The following PCSK9 variants were observed in gnomAD, a reference collection of about 807,000 sequenced individuals.
The protein encoded by PCSK9 is proprotein convertase subtilisin/kexin type 9, also known as convertase subtilisin/kexin type 9 preproprotein.
PCSK9 carries 57 observed loss-of-function variants against 62.1 expected under a neutral mutation model. That is an observed-to-expected ratio of 0.92 (90% CI 0.74 to 1.14). The LOEUF (loss-of-function observed/expected upper bound fraction) is 1.14. Among genes scored for constraint, PCSK9 ranks in the 50% most tolerant of loss-of-function variants. The pLI is 0.00. For missense variants in PCSK9, 870 were observed against 959.8 expected, an observed-to-expected ratio of 0.91 and a Z score of 1.24; for synonymous variants, 387 against 409.4, an observed-to-expected ratio of 0.95 and a Z score of 0.66.
intron 5 of PCSK9, 109 bp from the exon 6 acceptor site, chr1:55,055,884 G>A: frequency 8.9e-7 from 1 of 1,120,166 alleles, no homozygotes; most frequent in South Asian, 1.8e-5. Context: ...CAAACATCAG[G>A]CCACAAAGTT....
chr1:55,055,878 C>T (rs1644710084), intron 5 of PCSK9, 115 bp from the exon 6 acceptor site: 1 of 1,061,632 alleles, frequency 9.4e-7, no homozygotes, highest in South Asian at 1.8e-5. Context: ...TTTGACCAAA[C>T]ATCAGGCCAC....
rs573984387 is a variant in PCSK9, at chr1:55,047,501, C to T, written c.523+855C>T. Among the ~76,000 whole-genome samples the T allele has an allele frequency of 5.8e-4, 89 of 152,156 alleles. 1 individual carries two copies. The highest frequency in any genetic ancestry group is 1.1e-3 in the Non-Finnish European group (72 of 68,032). The stretch of plus-strand genomic sequence containing the variant: ...AGCCACTTTCTTCTATGAGCTTTGT[C>T]GTTCTTGTCTGTAAAATGGGCACAT... On this transcript the variant is annotated intron_variant, in intron 3 of 11. Coordinates refer to ENST00000302118, the MANE Select transcript of PCSK9 (RefSeq NM_174936.4).
chr1:55,059,573 C>T lies in PCSK9; in HGVS notation c.1591C>T (p.Gln531Ter), dbSNP rs1644743243. ...YAIARCCLLP[Q>*]ANCSVHTAPP... ...CATTGCCAGGTGCTGCCTGCTACCC[C>T]AGGCCAACTGCAGCGTCCACACAGC... The change falls in exon 10 of 12, where the codon CAG (glutamine) becomes TAG (stop). Residue 531 changes from glutamine (Q) to a stop codon, truncating the protein, a stop_gained. Transcript: ENST00000302118. LOFTEE classifies it high-confidence loss of function. The T allele has an allele frequency of 1.3e-6, 2 of 1,555,234 alleles. No homozygotes were observed. The highest frequency in any genetic ancestry group is 1.7e-6 in the Non-Finnish European group (2 of 1,148,582).
intron 5 of PCSK9, among the ~76,000 whole-genome samples, chr1:55,053,988 G>A (rs1018489767): frequency 6.6e-6 from 1 of 152,198 alleles, no homozygotes; most frequent in African/African-American, 2.4e-5. Context: ...GGGCTCAACA[G>A]TCACTATTGC....
intron 2 of PCSK9, among the ~76,000 whole-genome samples, chr1:55,045,655 G>T (rs1407008878): frequency 6.6e-6 from 1 of 151,994 alleles, no homozygotes; most frequent in African/African-American, 2.4e-5. Context: ...GCTGCCATGC[G>T]CAGGGAGTCA....
chr1:55,051,018 C>G (rs1033194705), intron 3 of PCSK9: 1 of 391,366 alleles, frequency 2.6e-6, no homozygotes, highest in African/African-American at 2.1e-5. Context: ...AATGTGGCCA[C>G]AAGCCAGGGA....
intron 3 of PCSK9, 179 bp from the exon 4 acceptor site, chr1:55,052,099 C>CCA (rs778091649): frequency 3.4e-6 from 3 of 889,738 alleles, no homozygotes; most frequent in Non-Finnish European, 5.3e-6. Flanking sequence ...CTTTCCTTGT[C>CCA]TATGAAATAC....
chr1:55,058,627 C>A lies in PCSK9; in HGVS notation c.1483C>A (p.Arg495=). ...SCSSFSRSGK[R]RGERMEAQGG... ...CTCCAGTTTCTCCAGGAGTGGGAAG[C>A]GGCGGGGCGAGCGCATGGAGGTGAC... The change falls in exon 9 of 12, where the codon CGG becomes AGG. Residue 495 remains arginine (R), a synonymous_variant. Coordinates refer to ENST00000302118, the MANE Select transcript of PCSK9 (RefSeq NM_174936.4). 6.2e-7 allele frequency: 1 copy of A among 1,610,836 alleles called. No homozygotes were observed. The highest frequency in any genetic ancestry group is 8.5e-7 in the Non-Finnish European group (1 of 1,179,764).
intron 3 of PCSK9, chr1:55,051,348 C>T (rs947952362): frequency 5.4e-6 from 2 of 370,182 alleles, no homozygotes; most frequent in Admixed American, 3.6e-5. Context: ...TGCAGGGGTT[C>T]CAGGGCCAGG....
At chr1:55,052,062 A>T in intron 3 of PCSK9, 4 of 667,972 alleles carry the variant, frequency 6.0e-6, no homozygotes, top group Non-Finnish European at 1.0e-5. Flanking sequence ...ATGGCCTTGG[A>T]CAGTTACCTG....
chr1:55,054,631 T>C (rs1458723593), intron 5 of PCSK9, among the ~76,000 whole-genome samples: 1 of 152,176 alleles, frequency 6.6e-6, no homozygotes, highest in Non-Finnish European at 1.5e-5. Flanking sequence ...CAGGTCCCCT[T>C]GCACATCAGG....
At position 55,043,840 on chromosome 1, in the gene PCSK9, C is replaced by A; in HGVS notation, c.208-3C>A. The A allele has an allele frequency of 6.2e-7, 1 of 1,614,006 alleles. No individual in the cohort carries two copies. The highest frequency in any genetic ancestry group is 8.5e-7 in the Non-Finnish European group (1 of 1,180,024). On this transcript the variant is annotated splice_polypyrimidine_tract_variant and splice_region_variant and intron_variant, in intron 1 of 11. Transcript: ENST00000302118. The stretch of plus-strand genomic sequence containing the variant: ...CATCATGTTCCTCCTTGCATGGGGC[C>A]AGGATCCGTGGAGGTTGCCTGGCAC...
At chr1:55,058,418 C>G (rs28362266) in intron 8 of PCSK9, 81 bp from the exon 9 acceptor site, 7 of 1,596,804 alleles carry the variant, frequency 4.4e-6, no homozygotes, top group African/African-American at 2.7e-5. Context: ...AAGCCCTCCT[C>G]TCTCCTACCA....
rs778003838 is a variant in PCSK9, at chr1:55,044,037, G to A, written c.399+3G>A. The A allele has an allele frequency of 6.2e-7, 1 of 1,614,122 alleles. No homozygotes were observed. Among genetic ancestry groups the A allele is most frequent in the Non-Finnish European group, 8.5e-7 (1 of 1,180,018 alleles). On this transcript the variant is annotated splice_donor_region_variant and intron_variant, in intron 2 of 11. Coordinates refer to ENST00000302118, the MANE Select transcript of PCSK9 (RefSeq NM_174936.4). Reference sequence around the variant, plus strand: ...TGAGTGGCGACCTGCTGGAGCTGGTGAGCCACCCTTTTTGGGAATGGCACT... The same window carrying A: ...TGAGTGGCGACCTGCTGGAGCTGGTAAGCCACCCTTTTTGGGAATGGCACT...
chr1:55,047,195 T>C (rs1644640596), intron 3 of PCSK9, among the ~76,000 whole-genome samples: 1 of 152,124 alleles, frequency 6.6e-6, no homozygotes, highest in African/African-American at 2.4e-5. Context: ...GGCCTGGCTA[T>C]GGAAGGGAGG....
At position 55,049,561 on chromosome 1, in the gene PCSK9, C is replaced by A. The variant is rs12084215; in HGVS notation, c.524-2717C>A. Among the ~76,000 whole-genome samples, 326 of 152,318 alleles carry A rather than the reference C, an allele frequency of 2.1e-3. 2 individuals are homozygous for A. The highest frequency in any genetic ancestry group is 7.4e-3 in the African/African-American group (309 of 41,572). ...CCACGCTGTCACAGGGAACTAGCAG[C>A]CCCTGCCTCACCCGGGGGTTTGGAA... On this transcript the variant is annotated intron_variant, in intron 3 of 11. Coordinates refer to ENST00000302118, the MANE Select transcript of PCSK9 (RefSeq NM_174936.4).
chr1:55,057,552 T>C, intron 7 of PCSK9, 38 bp downstream of exon 7: 1 of 1,576,646 alleles, frequency 6.3e-7, no homozygotes, highest in Non-Finnish European at 8.6e-7. Flanking sequence ...ACCGTGATGC[T>C]AACAGCCCCT....
Position 55,063,373 on chromosome 1 carries a change from C to G in PCSK9, c.1868C>G (p.Thr623Ser), listed in dbSNP as rs192854667. ...CTTTTCCTCGGGCTCTGGCAGGTGA[C>G]CGTGGCCTGCGAGGAGGGCTGGACC... ...HGIPAPQEQV[T>S]VACEEGWTLT... The change falls in exon 12 of 12, where the codon ACC (threonine) becomes AGC (serine). Residue 623 changes from threonine (T) to serine (S), a missense_variant. By Grantham distance (58) the Thr-to-Ser change is moderately conservative. Coordinates refer to ENST00000302118, the MANE Select transcript of PCSK9 (RefSeq NM_174936.4). 18 of 1,613,524 alleles carry G rather than the reference C, an allele frequency of 1.1e-5. No individual in the cohort carries two copies. Among genetic ancestry groups the G allele is most frequent in the Non-Finnish European group, 1.5e-5 (18 of 1,179,786 alleles).
rs72646530 is a variant in PCSK9 at position 55,063,483 on chromosome 1, G to A, written c.1978G>A (p.Asp660Asn). ...CAACACGTGTGTAGTCAGGAGCCGGGACGTCAGCACTACAGGCAGCACCAG... is the reference window on the plus strand; with the variant it reads ...CAACACGTGTGTAGTCAGGAGCCGGAACGTCAGCACTACAGGCAGCACCAG... ...VDNTCVVRSR[D>N]VSTTGSTSEG... Residue 660 changes from aspartate to asparagine, a missense_variant, in exon 12 of 12, where the codon GAC becomes AAC. Coordinates refer to ENST00000302118, the MANE Select transcript of PCSK9 (RefSeq NM_174936.4). The A allele has an allele frequency of 3.7e-6, 6 of 1,613,986 alleles. No homozygotes were observed. In the Middle Eastern group the frequency reaches 5.0e-4, roughly 133 times the overall value.
Sources: allele counts gnomAD v4.1 joint callset (sites outside exome capture counted in the v4.1 genomes callset), GRCh38; gene constraint gnomAD v4.1.1; transcripts MANE v1.5; gene names NCBI Gene and HGNC (gene_info 2026-07-23, HGNC 2026-07-21).